The following SLC38A3 variants were observed in gnomAD, a reference collection of about 807,000 sequenced individuals.
The protein encoded by SLC38A3 is sodium-coupled neutral amino acid transporter 3.
Under a neutral mutation model 59.5 loss-of-function variants are expected in SLC38A3, and 17 were observed. The ratio of observed to expected loss-of-function variants is 0.29; its 90% CI spans 0.20 to 0.43. The LOEUF is 0.43. SLC38A3 is among the 20% of genes least tolerant of loss of function. The probability of loss-of-function intolerance (pLI) is 1.00; values close to 1 mark genes in which losing one functional copy is unlikely to be tolerated. For missense variants in SLC38A3, 454 were observed against 653.9 expected (o/e 0.69, Z 3.33); for synonymous variants, 238 against 260.3 (o/e 0.91, Z 0.82).
intron 7 of SLC38A3, among the ~76,000 whole-genome samples, chr3:50,216,172 C>A (rs587737274): frequency 1.4e-4 from 21 of 152,344 alleles, no homozygotes; most frequent in South Asian, 8.3e-4. Context: ...GTTGCCCCCC[C>A]CAACCAAGAT....
chr3:50,209,561 A>C (rs1158522506), intron 1 of SLC38A3, among the ~76,000 whole-genome samples: 1 of 152,028 alleles, frequency 6.6e-6, no homozygotes, highest in Non-Finnish European at 1.5e-5. Context: ...AGGCAGGAGA[A>C]AGGTGTGAAC....
chr3:50,207,155 G>A (rs901822385), intron 1 of SLC38A3, among the ~76,000 whole-genome samples: 4 of 152,204 alleles, frequency 2.6e-5, no homozygotes, highest in African/African-American at 9.7e-5. Flanking sequence ...GTGTCTCTGT[G>A]AACAGAAAGC....
intron 1 of SLC38A3, among the ~76,000 whole-genome samples, chr3:50,211,638 G>A (rs1465543002): frequency 7.1e-6 from 1 of 140,872 alleles, no homozygotes; most frequent in African/African-American, 2.6e-5. Context: ...GCCCAGGCTG[G>A]AGTGCAATGG....
At chr3:50,210,027 C>T (rs1441930559) in intron 1 of SLC38A3, among the ~76,000 whole-genome samples, 1 of 152,152 alleles carries the variant, frequency 6.6e-6, no homozygotes, top group African/African-American at 2.4e-5. Flanking sequence ...CTGCTTTGTC[C>T]CTAGACCCCT....
At chr3:50,206,002 C>T (rs1237489952) in intron 1 of SLC38A3, among the ~76,000 whole-genome samples, 1 of 152,236 alleles carries the variant, frequency 6.6e-6, no homozygotes, top group Non-Finnish European at 1.5e-5. Flanking sequence ...GACCTGAGGC[C>T]GGGGCGCCGT....
chr3:50,211,179 G>A (rs1410991884), intron 1 of SLC38A3, among the ~76,000 whole-genome samples: 6 of 152,200 alleles, frequency 3.9e-5, no homozygotes, highest in South Asian at 2.1e-4. Flanking sequence ...CCCCGATTCC[G>A]ATTCCCGGAT....
At position 50,214,769 on chromosome 3, in the gene SLC38A3, G is replaced by T. The variant is rs746729087; in HGVS notation, c.299+1G>T. ...CCAATACGGGCATTATCCTTTTCCT[G>T]TGAGTGCCCTCAGAGAAACTTCTAA... On this transcript the variant is annotated splice_donor_variant, in intron 4 of 15. Coordinates refer to ENST00000614032, the MANE Select transcript of SLC38A3 (RefSeq NM_006841.6). LOFTEE classifies it high-confidence loss of function. This position sits in a 1 kb window ranked among gnomAD's most constrained non-coding sequence, Gnocchi z 6.0. The T allele has an allele frequency of 1.3e-6, 2 of 1,591,716 alleles. No homozygotes were observed. The highest frequency in any genetic ancestry group is 1.7e-6 in the Non-Finnish European group (2 of 1,162,314).
At position 50,214,607 on chromosome 3, in the gene SLC38A3, C is replaced by T; in HGVS notation, c.184-46C>T. 6.6e-7 allele frequency: 1 copy of T among 1,507,984 alleles called. No homozygotes were observed. 93.4% of individuals were successfully genotyped at this position (1,507,984 alleles called of 1,614,324 possible). A position where few individuals can be genotyped will look rare whatever the true frequency, so the allele number is the denominator to read the frequency against. On this transcript the variant is annotated intron_variant, in intron 3 of 15. Coordinates refer to ENST00000614032, the MANE Select transcript of SLC38A3 (RefSeq NM_006841.6). The surrounding 1 kb of genome is among the most constrained non-coding windows in gnomAD (Gnocchi z 6.0). ...GGGGAAGGCTGCGATGCCCCTGTCC[C>T]TTGCTGACTCCTCCCACCCTCCCCG...
intron 1 of SLC38A3, among the ~76,000 whole-genome samples, chr3:50,213,465 G>A (rs1699763494): frequency 6.6e-6 from 1 of 152,238 alleles, no homozygotes; most frequent in African/African-American, 2.4e-5. Context: ...AGCCAGGCGG[G>A]AAGGGCCCAG....
chr3:50,217,572 C>T lies in SLC38A3; in HGVS notation c.690+99C>T, dbSNP rs2109157417. On this transcript the variant is annotated intron_variant, in intron 9 of 15. Transcript: ENST00000614032. This position sits in a 1 kb window ranked among gnomAD's most constrained non-coding sequence, Gnocchi z 4.9. ...GGCAGGTGTCTCTGGGAAGCCTGGG[C>T]CAGAAGGCAGCTCCACCAGTCCTGA... 6.3e-7 allele frequency: 1 copy of T among 1,577,824 alleles called. No individual in the cohort carries two copies. Among genetic ancestry groups the T allele is most frequent in the Non-Finnish European group, 8.7e-7 (1 of 1,153,106 alleles).
Position 50,215,529 on chromosome 3 carries a change from A to T in SLC38A3, c.374-15A>T. ...ACTGGGACAAGCTCCTGACTTCTTG[A>T]CCCTGCTCCTGCAGGCATCCGTGCC... is the stretch of plus-strand genomic sequence containing the variant. On this transcript the variant is annotated splice_polypyrimidine_tract_variant and intron_variant, in intron 5 of 15. Coordinates refer to ENST00000614032, the MANE Select transcript of SLC38A3 (RefSeq NM_006841.6). The surrounding 1 kb of genome is among the most constrained non-coding windows in gnomAD (Gnocchi z 7.1). 1 of 1,613,448 alleles carries T rather than the reference A, an allele frequency of 6.2e-7. No individual in the cohort carries two copies. The highest frequency in any genetic ancestry group is 8.5e-7 in the Non-Finnish European group (1 of 1,179,618).
chr3:50,207,667 A>G (rs1267262478), intron 1 of SLC38A3: 1 of 151,952 alleles, frequency 6.6e-6, no homozygotes, highest in African/African-American at 2.4e-5. Flanking sequence ...CCCGGGGTAC[A>G]CTCTTGTCTA....
chr3:50,217,211 C>T lies in SLC38A3; in HGVS notation c.549-27C>T. The T allele has an allele frequency of 1.9e-6, 3 of 1,571,890 alleles. No homozygotes were observed. The highest frequency in any genetic ancestry group is 1.1e-5 in the South Asian group (1 of 87,534). On this transcript the variant is annotated intron_variant, in intron 7 of 15. Coordinates refer to ENST00000614032, the MANE Select transcript of SLC38A3 (RefSeq NM_006841.6). This position sits in a 1 kb window ranked among gnomAD's most constrained non-coding sequence, Gnocchi z 4.9. ...CATCCCAGGCTGAATGGATTCTGAC[C>T]CTGGCTCCCGACTCATGTCCCTGCA...
In SLC38A3 at chr3:50,214,531, A is replaced by G; in HGVS notation, c.183+48A>G. On this transcript the variant is annotated intron_variant, in intron 3 of 15. Coordinates refer to ENST00000614032, the MANE Select transcript of SLC38A3 (RefSeq NM_006841.6). This position sits in a 1 kb window ranked among gnomAD's most constrained non-coding sequence, Gnocchi z 6.0. Reference sequence around the variant, plus strand: ...TTAGGGGACACTGTGGGGAGCTTGGATGCAGTAATGAGGTGGTCTCTGGCA... The same window carrying G: ...TTAGGGGACACTGTGGGGAGCTTGGGTGCAGTAATGAGGTGGTCTCTGGCA... 6.6e-7 allele frequency: 1 copy of G among 1,515,652 alleles called. No individual in the cohort carries two copies. Among genetic ancestry groups the G allele is most frequent in the Non-Finnish European group, 9.0e-7 (1 of 1,112,968 alleles). The allele number at this position is 1,515,652 out of a possible 1,614,324, so 93.9% of individuals were successfully genotyped here. A position where few individuals can be genotyped will look rare whatever the true frequency, so the allele number is the denominator to read the frequency against.
intron 1 of SLC38A3, among the ~76,000 whole-genome samples, chr3:50,213,900 G>A (rs1232021656): frequency 6.6e-6 from 1 of 152,184 alleles, no homozygotes; most frequent in Non-Finnish European, 1.5e-5. Context: ...GGGCTTGCCT[G>A]GACGGGTGTG....
At position 50,215,447 on chromosome 3, in the gene SLC38A3, T is replaced by G. The variant is rs769045494; in HGVS notation, c.361T>G (p.Ser121Ala). 1.9e-6 allele frequency: 3 copies of G among 1,613,864 alleles called. No homozygotes were observed. Among genetic ancestry groups the G allele is most frequent in the East Asian group, 4.5e-5 (2 of 44,870 alleles). ...CTCCATCCACCTGCTACTCAAGTCC[T>G]CAGGGGTCGTGGGTGAGCCTCACAC... ...SYSIHLLLKSSGVVGIRAYEQ... is the reference protein window; with the variant it reads ...SYSIHLLLKSAGVVGIRAYEQ... Residue 121 changes from serine to alanine, a missense_variant, in exon 5 of 16, where the codon TCA (serine) becomes GCA (alanine). Ser to Ala is a moderately conservative substitution (Grantham distance 99, BLOSUM62 1). Coordinates refer to ENST00000614032, the MANE Select transcript of SLC38A3 (RefSeq NM_006841.6). This position sits in a 1 kb window ranked among gnomAD's most constrained non-coding sequence, Gnocchi z 7.1.
chr3:50,214,916 C>T lies in SLC38A3; in HGVS notation c.299+148C>T, dbSNP rs2109154807. 1.5e-6 allele frequency: 1 copy of T among 656,754 alleles called. No homozygotes were observed. The highest frequency in any genetic ancestry group is 2.7e-5 in the East Asian group (1 of 36,764). 40.7% of individuals were successfully genotyped at this position (656,754 alleles called of 1,614,324 possible). A position where few individuals can be genotyped will look rare whatever the true frequency, so the allele number is the denominator to read the frequency against. On this transcript the variant is annotated intron_variant, in intron 4 of 15. Coordinates refer to ENST00000614032, the MANE Select transcript of SLC38A3 (RefSeq NM_006841.6). This position sits in a 1 kb window ranked among gnomAD's most constrained non-coding sequence, Gnocchi z 6.0. ...ACTAACAAACCGCGGCTGAAAAAAA[C>T]ATCCACAGCCAAACAAATATACCTC...
At chr3:50,208,586 G>C (rs1699678109) in intron 1 of SLC38A3, among the ~76,000 whole-genome samples, 1 of 152,156 alleles carries the variant, frequency 6.6e-6, no homozygotes, top group African/African-American at 2.4e-5. Flanking sequence ...TTGCTGTCTT[G>C]TTGTCTGTCT....
At chr3:50,205,750 G>GACCGGAGAGGGCCCGAGGGGAGT (rs1699637468) in intron 1 of SLC38A3, among the ~76,000 whole-genome samples, 2 of 152,226 alleles carry the variant, frequency 1.3e-5, no homozygotes, top group Non-Finnish European at 2.9e-5. Context: ...CCGAGGGGAG[G>GACCGGAGAGGGCCCGAGGGGAGT]ACCCAAGAGG....
Sources: allele counts gnomAD v4.1 joint callset (sites outside exome capture counted in the v4.1 genomes callset), GRCh38; gene constraint gnomAD v4.1.1; non-coding constraint Gnocchi (gnomAD v3.1); transcripts MANE v1.5; gene names NCBI Gene and HGNC (gene_info 2026-07-23, HGNC 2026-07-21).